NAV2: variants seen among roughly 807,000 people sequenced by gnomAD.
The protein encoded by NAV2 is helicase, APC down-regulated 1.
In NAV2, 54 loss-of-function variants were observed where a neutral mutation model predicts 223.2. The observed-to-expected ratio is 0.24, with a 90% CI of 0.19 to 0.30. NAV2 has a LOEUF of 0.30. Ranked by LOEUF, NAV2 falls within the 10% of genes least tolerant of loss-of-function variation. The probability of loss-of-function intolerance (pLI) is 1.00; values close to 1 mark genes in which losing one functional copy is unlikely to be tolerated. For missense variants in NAV2, 2,806 were observed against 3,147.5 expected (o/e 0.89, Z 2.60); for synonymous variants, 1,279 against 1,239.3 (o/e 1.03, Z -0.67).
intron 29 of NAV2, among the ~76,000 whole-genome samples, chr11:20,094,332 C>T (rs948310138): frequency 7.6e-5 from 11 of 144,354 alleles, no homozygotes; most frequent in Admixed American, 4.4e-4. Context: ...CAGGTTCAAG[C>T]GATTCTTCTG....
At chr11:19,709,336 G>A (rs60436071), upstream of NAV2, among the ~76,000 whole-genome samples, 574 of 151,860 alleles carry the variant, frequency 3.8e-3, 7 homozygotes, top group East Asian at 8.8e-3. Flanking sequence ...AGGTCAGGAG[G>A]TCGAGACCAT....
At chr11:20,065,195 G>A (rs1407124930) in intron 20 of NAV2, among the ~76,000 whole-genome samples, 1 of 152,162 alleles carries the variant, frequency 6.6e-6, no homozygotes, top group African/African-American at 2.4e-5. Flanking sequence ...TGAAACACAT[G>A]CTCCAGGCAC....
At chr11:19,567,495 G>A (rs913590678) in intron 1 of NAV2, among the ~76,000 whole-genome samples, 1 of 152,212 alleles carries the variant, frequency 6.6e-6, no homozygotes, top group African/African-American at 2.4e-5. Flanking sequence ...CAGAGAGGTT[G>A]AGTGATTTGC....
At chr11:19,486,272 T>C (rs957054723) in intron 1 of NAV2, among the ~76,000 whole-genome samples, 3 of 152,156 alleles carry the variant, frequency 2.0e-5, no homozygotes, top group Non-Finnish European at 2.9e-5. Context: ...AGTCTCTTCC[T>C]GGGACCCTGT....
At chr11:19,828,410 G>A (rs1433251912) in intron 1 of NAV2, among the ~76,000 whole-genome samples, 1 of 152,122 alleles carries the variant, frequency 6.6e-6, no homozygotes, top group Non-Finnish European at 1.5e-5. Flanking sequence ...TTTGATTCTT[G>A]TAGGTACCTC....
chr11:19,708,167 G>A (rs907135254), upstream of NAV2, among the ~76,000 whole-genome samples: 4 of 152,148 alleles, frequency 2.6e-5, no homozygotes, highest in African/African-American at 9.7e-5. Flanking sequence ...AGGGTGAGTA[G>A]ATGAGCAGAC....
At chr11:19,452,723 T>C (rs1404398411) in intron 1 of NAV2, among the ~76,000 whole-genome samples, 3 of 152,216 alleles carry the variant, frequency 2.0e-5, no homozygotes, top group Non-Finnish European at 4.4e-5. Flanking sequence ...AAGGTGTGAA[T>C]ATCTCATGCA....
intron 11 of NAV2, among the ~76,000 whole-genome samples, chr11:19,989,070 C>G (rs1436743510): frequency 6.6e-6 from 1 of 152,124 alleles, no homozygotes; most frequent in East Asian, 1.9e-4. Flanking sequence ...GAGACTGCTC[C>G]CCTCACGCTT....
intron 1 of NAV2, among the ~76,000 whole-genome samples, chr11:19,498,980 T>G (rs147212244): frequency 6.6e-6 from 1 of 152,246 alleles, no homozygotes; most frequent in Non-Finnish European, 1.5e-5. Flanking sequence ...CTTCTCACCA[T>G]GTTCCAGTCT....
chr11:19,571,838 C>T (rs1048340691), intron 1 of NAV2, among the ~76,000 whole-genome samples: 2 of 152,224 alleles, frequency 1.3e-5, no homozygotes, highest in Non-Finnish European at 2.9e-5. Context: ...GACTATATCC[C>T]CTTCCCACTG....
intron 1 of NAV2, among the ~76,000 whole-genome samples, chr11:19,544,155 A>G (rs1165445768): frequency 9.2e-5 from 14 of 152,214 alleles, no homozygotes; most frequent in Admixed American, 9.2e-4. Context: ...GTATGAATGA[A>G]TATTTCTTTG....
At chr11:19,958,402 T>C (rs1358691420) in intron 10 of NAV2, among the ~76,000 whole-genome samples, 1 of 152,188 alleles carries the variant, frequency 6.6e-6, no homozygotes, top group Non-Finnish European at 1.5e-5. Flanking sequence ...ACTGTGTAGG[T>C]CAGCATAAGA....
chr11:19,678,873 T>C (rs1304443631), intron 1 of NAV2, among the ~76,000 whole-genome samples: 2 of 152,158 alleles, frequency 1.3e-5, no homozygotes, highest in Non-Finnish European at 2.9e-5. Flanking sequence ...GATGAGTACA[T>C]TCCCCAGTGC....
intron 6 of NAV2, among the ~76,000 whole-genome samples, chr11:19,917,538 A>G (rs762340519): frequency 2.6e-5 from 4 of 152,120 alleles, no homozygotes; most frequent in Non-Finnish European, 5.9e-5. Context: ...CCTCACAGAC[A>G]GTGGCTTCCA....
At chr11:19,901,899 G>T (rs2042476339) in intron 6 of NAV2, among the ~76,000 whole-genome samples, 1 of 152,074 alleles carries the variant, frequency 6.6e-6, no homozygotes, top group African/African-American at 2.4e-5. Context: ...CCTTAGACTG[G>T]CAATATTAAA....
At chr11:19,563,004 A>G (rs2045151940) in intron 1 of NAV2, among the ~76,000 whole-genome samples, 1 of 151,134 alleles carries the variant, frequency 6.6e-6, no homozygotes, top group Admixed American at 6.6e-5. Context: ...AAGGTATTAA[A>G]TACATTACCA....
chr11:19,985,474 A>T (rs1454287634), intron 11 of NAV2, among the ~76,000 whole-genome samples: 2 of 152,064 alleles, frequency 1.3e-5, no homozygotes, highest in Non-Finnish European at 2.9e-5. Context: ...CTCAAGTCAG[A>T]TTTTTTCCTG....
chr11:20,077,176 G>A (rs1018704896), intron 22 of NAV2, among the ~76,000 whole-genome samples: 1 of 152,154 alleles, frequency 6.6e-6, no homozygotes, highest in African/African-American at 2.4e-5. Flanking sequence ...ATCTCAAAGT[G>A]TATATCAGAA....
intron 11 of NAV2, 53 bp downstream of exon 11, chr11:19,984,300 C>G (rs200263374): frequency 1.9e-5 from 23 of 1,199,362 alleles, no homozygotes; most frequent in African/African-American, 4.2e-5. Flanking sequence ...CCCAGGGGGG[C>G]CCTGAGAAAT....
Sources: gnomAD v4.1 joint callset for allele counts (sites outside exome capture counted in the v4.1 genomes callset) on GRCh38, gnomAD v4.1.1 for gene constraint, MANE v1.5 for transcripts, NCBI Gene and HGNC (gene_info 2026-07-23, HGNC 2026-07-21) for gene names.